Variants in RPAP3 observed in about 807,000 individuals in gnomAD.
RPAP3 encodes RNA polymerase II-associated protein 3.
In RPAP3, 58 loss-of-function variants were observed where a neutral mutation model predicts 88.8. That is an observed-to-expected ratio of 0.65 (90% CI 0.53 to 0.81). RPAP3 has a LOEUF of 0.81. Ranked by LOEUF, RPAP3 falls within the 40% of genes least tolerant of loss-of-function variation. The pLI is 0.00. For missense variants in RPAP3, 751 were observed against 764.3 expected, an observed-to-expected ratio of 0.98 and a Z score of 0.20; for synonymous variants, 255 against 259.9, an observed-to-expected ratio of 0.98 and a Z score of 0.18.
chr12:47,698,734 G>T (rs1350132365), intron 3 of RPAP3, among the ~76,000 whole-genome samples: 1 of 151,962 alleles, frequency 6.6e-6, no homozygotes, highest in African/African-American at 2.4e-5. Context: ...GGCTGGTCTG[G>T]ATCCTAAGCC....
At chr12:47,682,259 A>T (rs1048219902) in intron 9 of RPAP3, among the ~76,000 whole-genome samples, 27 of 152,210 alleles carry the variant, frequency 1.8e-4, no homozygotes, top group Non-Finnish European at 3.1e-4. Context: ...CTTGGTACGA[A>T]TGTGATAGCA....
At chr12:47,676,994 T>C (rs895336823) in intron 12 of RPAP3, among the ~76,000 whole-genome samples, 3 of 152,182 alleles carry the variant, frequency 2.0e-5, no homozygotes, top group African/African-American at 7.2e-5. Flanking sequence ...AAATCCTCAA[T>C]AAAATACTGG....
At position 47,663,303 on chromosome 12, in the gene RPAP3, T is replaced by C; in HGVS notation, c.*202A>G. On this transcript the variant is annotated 3_prime_UTR_variant, in exon 17 of 17. Coordinates refer to ENST00000005386, the MANE Select transcript of RPAP3 (RefSeq NM_024604.3). ...CCTTACAAATGTATCTCATTGTTTA[T>C]ATTTTTATTTTCAGAAAAACAGAGT... 1 of 424,676 alleles carries C rather than the reference T, an allele frequency of 2.4e-6. No homozygotes were observed. The highest frequency in any genetic ancestry group is 4.1e-6 in the Non-Finnish European group (1 of 242,144). 26.3% of individuals were successfully genotyped at this position (424,676 alleles called of 1,614,324 possible).
chr12:47,679,038 G>A (rs1020290740), intron 12 of RPAP3, among the ~76,000 whole-genome samples: 1 of 152,172 alleles, frequency 6.6e-6, no homozygotes, highest in Admixed American at 6.5e-5. Flanking sequence ...AGAAAATGTG[G>A]CACATATACA....
intron 12 of RPAP3, among the ~76,000 whole-genome samples, chr12:47,672,957 C>T (rs1939030547): frequency 6.6e-6 from 1 of 152,084 alleles, no homozygotes; most frequent in Admixed American, 6.5e-5. Flanking sequence ...TAACAAAGGC[C>T]TTCTGTAAAC....
At position 47,663,369 on chromosome 12, in the gene RPAP3, CTTATAG is replaced by C. The variant is rs1938797343; in HGVS notation, c.*130_*135del. On this transcript the variant is annotated 3_prime_UTR_variant, in exon 17 of 17. Transcript: ENST00000005386. Reference sequence around the variant, plus strand: ...TCTCACTAGTTAAATCACAATTCACCTTATAGTTAATTAACTTATGTTCAAAGATAG... The same window carrying C: ...TCTCACTAGTTAAATCACAATTCACCTTAATTAACTTATGTTCAAAGATAG... 3.4e-6 allele frequency: 2 copies of C among 589,614 alleles called. No homozygotes were observed. Among genetic ancestry groups the C allele is most frequent in the Non-Finnish European group, 5.9e-6 (2 of 339,248 alleles). 36.5% of individuals were successfully genotyped at this position (589,614 alleles called of 1,614,324 possible).
At chr12:47,675,312 AT>A (rs1939089375) in intron 12 of RPAP3, among the ~76,000 whole-genome samples, 1 of 152,210 alleles carries the variant, frequency 6.6e-6, no homozygotes, top group Non-Finnish European at 1.5e-5. Flanking sequence ...TGTAAAGACC[AT>A]TGATGCTAGG....
Position 47,667,734 on chromosome 12 carries a change from C to T in RPAP3, c.1811+20G>A. ...CATTAAGTGAGGACTTACTGTATAA[C>T]TAAAAAAAACTTGACTTACTCAATG... On this transcript the variant is annotated intron_variant, in intron 15 of 16. Transcript: ENST00000005386. 1 of 1,437,144 alleles carries T rather than the reference C, an allele frequency of 7.0e-7. No individual in the cohort carries two copies. The highest frequency in any genetic ancestry group is 9.6e-7 in the Non-Finnish European group (1 of 1,037,244). The allele number at this position is 1,437,144 out of a possible 1,614,324, so 89.0% of individuals were successfully genotyped here. A position where few individuals can be genotyped will look rare whatever the true frequency, so the allele number is the denominator to read the frequency against.
At chr12:47,673,141 C>T (rs1939034150) in intron 12 of RPAP3, among the ~76,000 whole-genome samples, 1 of 151,972 alleles carries the variant, frequency 6.6e-6, no homozygotes, top group South Asian at 2.1e-4. Context: ...ACCAGTATTA[C>T]CAAGAATACG....
chr12:47,670,196 A>C lies in RPAP3; in HGVS notation c.1437T>G (p.Asn479Lys), dbSNP rs1938966309. ...TGGGAAAAAGGTCATCTTGGCTTGAATTCTTCTTACTTGTGGTGCCTGTGG... is the reference window on the plus strand; with the variant it reads ...TGGGAAAAAGGTCATCTTGGCTTGACTTCTTCTTACTTGTGGTGCCTGTGG... ...IAATGTTSKK[N>K]SSQDDLFPTS... The change falls in exon 13 of 17, where the codon AAT becomes AAG. Residue 479 changes from asparagine (N) to lysine (K), a missense_variant. Transcript: ENST00000005386. 2 of 1,613,976 alleles carry C rather than the reference A, an allele frequency of 1.2e-6. No homozygotes were observed. Among genetic ancestry groups the C allele is most frequent in the Non-Finnish European group, 1.7e-6 (2 of 1,179,928 alleles).
chr12:47,702,126 C>T (rs149637941), intron 2 of RPAP3, among the ~76,000 whole-genome samples: 2,192 of 152,310 alleles, frequency 0.014, 179 homozygotes, highest in Admixed American at 0.13. Context: ...TTTTATGATG[C>T]TAGTCATTTA....
intron 12 of RPAP3, among the ~76,000 whole-genome samples, chr12:47,672,339 TC>T (rs531592247): frequency 1.3e-5 from 2 of 152,234 alleles, no homozygotes; most frequent in Non-Finnish European, 2.9e-5. Context: ...TCCGTAGTCT[TC>T]CTTTCTTTCC....
intron 16 of RPAP3, among the ~76,000 whole-genome samples, chr12:47,665,275 CT>C (rs772384915): frequency 2.4e-3 from 335 of 141,030 alleles, no homozygotes; most frequent in Middle Eastern, 7.2e-3. Context: ...TTTTTTCTTT[CT>C]TTTTTTTTTT....
chr12:47,677,281 A>G (rs371286738), intron 12 of RPAP3, among the ~76,000 whole-genome samples: 3 of 152,188 alleles, frequency 2.0e-5, no homozygotes, highest in East Asian at 3.9e-4. Context: ...CCCACAGCCA[A>G]TATCATACTG....
chr12:47,690,666 T>C (rs1479333575), intron 5 of RPAP3, 27 bp from the exon 6 acceptor site: 1 of 1,392,832 alleles, frequency 7.2e-7, no homozygotes. Flanking sequence ...TTAAAATAAA[T>C]AAAGTTAATA....
intron 10 of RPAP3, among the ~76,000 whole-genome samples, chr12:47,680,183 A>T (rs540618326): frequency 6.6e-6 from 1 of 152,330 alleles, no homozygotes; most frequent in Admixed American, 6.5e-5. Flanking sequence ...CATTATGCTA[A>T]GTTAAATAAG....
At chr12:47,680,951 A>C (rs1939210518) in intron 10 of RPAP3, among the ~76,000 whole-genome samples, 2 of 149,774 alleles carry the variant, frequency 1.3e-5, no homozygotes, top group South Asian at 4.2e-4. Context: ...ACTGGGATTC[A>C]AAAAAAAACA....
chr12:47,683,861 CATTAAGTGA>C (rs1244580349), intron 9 of RPAP3, among the ~76,000 whole-genome samples: 2 of 152,174 alleles, frequency 1.3e-5, no homozygotes, highest in Non-Finnish European at 2.9e-5. Context: ...CCCTAATCAC[CATTAAGTGA>C]ACCACCCTCT....
chr12:47,693,873 T>C (rs1443518670), intron 5 of RPAP3, among the ~76,000 whole-genome samples: 4 of 152,146 alleles, frequency 2.6e-5, no homozygotes, highest in Admixed American at 6.5e-5. Flanking sequence ...AAACAAAACA[T>C]CTAACAAAGA....
Sources: allele counts gnomAD v4.1 joint callset (sites outside exome capture counted in the v4.1 genomes callset), GRCh38; gene constraint gnomAD v4.1.1; transcripts MANE v1.5; gene names NCBI Gene and HGNC (gene_info 2026-07-23, HGNC 2026-07-21).